Variants in IPO9 observed in about 807,000 individuals in gnomAD.
IPO9 encodes the protein importin 9.
IPO9 carries 28 observed loss-of-function variants against 128.6 expected under a neutral mutation model. The observed-to-expected ratio is 0.22, with a 90% confidence interval of 0.16 to 0.30. IPO9 has a LOEUF of 0.30. Among genes scored for constraint, IPO9 ranks in the 10% least tolerant of loss-of-function variants. IPO9 has a pLI of 1.00. For synonymous variants in IPO9, 455 were observed against 475.8 expected, an observed-to-expected ratio of 0.96 and a Z score of 0.57; for missense variants, 935 against 1,293.9, an observed-to-expected ratio of 0.72 and a Z score of 4.26.
chr1:201,869,522 G>A, intron 16 of IPO9, 68 bp from the exon 17 acceptor site: 1 of 1,585,332 alleles, frequency 6.3e-7, no homozygotes, highest in Non-Finnish European at 8.6e-7. Context: ...ATCCAGTAAG[G>A]ATCTTGGTTG....
chr1:201,837,829 G>A (rs1679966080), intron 1 of IPO9, among the ~76,000 whole-genome samples: 1 of 152,204 alleles, frequency 6.6e-6, no homozygotes, highest in South Asian at 2.1e-4. Flanking sequence ...CCAGCACTTT[G>A]GGAGGCTGAG....
At chr1:201,837,634 C>T (rs770265539) in intron 1 of IPO9, among the ~76,000 whole-genome samples, 1 of 152,196 alleles carries the variant, frequency 6.6e-6, no homozygotes, top group Non-Finnish European at 1.5e-5. Context: ...TATCTTTTCA[C>T]ACTGTATATT....
intron 3 of IPO9, among the ~76,000 whole-genome samples, chr1:201,847,938 A>T (rs1680150246): frequency 6.6e-6 from 1 of 152,214 alleles, no homozygotes; most frequent in South Asian, 2.1e-4. Flanking sequence ...AGGGTTTAAG[A>T]ATTAAATGAA....
chr1:201,848,134 G>A (rs1337608892), intron 3 of IPO9, among the ~76,000 whole-genome samples: 1 of 152,194 alleles, frequency 6.6e-6, no homozygotes, highest in African/African-American at 2.4e-5. Flanking sequence ...AATGGGGCTA[G>A]TGCAACTGAG....
chr1:201,865,627 A>G (rs1389651622), intron 14 of IPO9, among the ~76,000 whole-genome samples: 1 of 152,062 alleles, frequency 6.6e-6, no homozygotes, highest in African/African-American at 2.4e-5. Context: ...TTTATGTATC[A>G]TTGCAAACTC....
rs541416031 is a variant in IPO9 at position 201,880,139 on chromosome 1, A to C, written c.*4085A>C. ...GAGGAGGGCAGATCACTTAAGCCCA[A>C]GAGTTTGAGACCAGTCTGGGCAATG... On this transcript the variant is annotated 3_prime_UTR_variant, in exon 24 of 24. Coordinates refer to ENST00000361565, the MANE Select transcript of IPO9 (RefSeq NM_018085.5). 1.3e-5 allele frequency: 2 copies of C among 152,318 alleles called. No homozygotes were observed. The highest frequency in any genetic ancestry group is 4.1e-4 in the South Asian group (2 of 4,820). The allele number at this position is 152,318 out of a possible 1,614,324, so 9.4% of individuals were successfully genotyped here.
intron 1 of IPO9, among the ~76,000 whole-genome samples, chr1:201,835,596 C>A (rs1679907136): frequency 6.6e-6 from 1 of 152,200 alleles, no homozygotes; most frequent in South Asian, 2.1e-4. Context: ...AATTTCCTAA[C>A]AAAAATAGCT....
At position 201,882,417 on chromosome 1, in the gene IPO9, G is replaced by A. The variant is rs1453654752; in HGVS notation, c.*6363G>A. On this transcript the variant is annotated 3_prime_UTR_variant, in exon 24 of 24. Coordinates refer to ENST00000361565, the MANE Select transcript of IPO9 (RefSeq NM_018085.5). ...ACTACACTCCAGCCTGGGCGACAGA[G>A]CGACACTCTGCCTCAAAAAAAAAAA... 5.4e-5 allele frequency: 7 copies of A among 128,748 alleles called. No individual in the cohort carries two copies. In the Admixed American group the frequency reaches 6.6e-4, roughly 12 times the overall value. The allele number at this position is 128,748 out of a possible 1,614,324, so 8.0% of individuals were successfully genotyped here. A position where few individuals can be genotyped will look rare whatever the true frequency, so the allele number is the denominator to read the frequency against.
rs142911128 is a variant in IPO9 at position 201,843,817 on chromosome 1, G to T, written c.164-3462G>T. On this transcript the variant is annotated intron_variant, in intron 1 of 23. Coordinates refer to ENST00000361565, the MANE Select transcript of IPO9 (RefSeq NM_018085.5). ...CACTCTAGTCTGGGTGACAGAGTGC[G>T]ATTCTGTCTCAAAAAAAAAAAAAAA... Among the ~76,000 whole-genome samples, 5 of 138,164 alleles carry T rather than the reference G, an allele frequency of 3.6e-5. No individual in the cohort carries two copies. In the South Asian group the frequency reaches 1.2e-3, roughly 32 times the overall value. The allele number at this position is 138,164 out of a possible 152,430, so 90.6% of individuals were successfully genotyped here. A position where few individuals can be genotyped will look rare whatever the true frequency, so the allele number is the denominator to read the frequency against.
At chr1:201,873,538 G>A (rs967372051) in intron 20 of IPO9, among the ~76,000 whole-genome samples, 3 of 149,920 alleles carry the variant, frequency 2.0e-5, no homozygotes, top group Non-Finnish European at 3.0e-5. Flanking sequence ...GCCTGAGGCC[G>A]GGAGTTCGAG....
chr1:201,838,874 C>CA (rs1168426954), intron 1 of IPO9, among the ~76,000 whole-genome samples: 1 of 148,346 alleles, frequency 6.7e-6, no homozygotes, highest in African/African-American at 2.5e-5. Context: ...ACAGTATCAA[C>CA]AAAAAAGTAA....
In IPO9 at chr1:201,868,672, A is replaced by G. The variant is rs1032887038; in HGVS notation, c.1880A>G (p.Gln627Arg). 1 of 1,613,914 alleles carries G rather than the reference A, an allele frequency of 6.2e-7. No individual in the cohort carries two copies. The highest frequency in any genetic ancestry group is 8.5e-7 in the Non-Finnish European group (1 of 1,179,926). ...GATCCCGTCGTCGCCTCACTGGCTC[A>G]GGACATCTTCAAGGAGCTGTCCCAG... ...SNDPVVASLA[Q>R]DIFKELSQIE... The change falls in exon 16 of 24, where the codon CAG becomes CGG. Residue 627 changes from glutamine (Q) to arginine (R), a missense_variant. By Grantham distance (43) the Gln-to-Arg change is conservative (BLOSUM62 1). Around this residue, in one of 3 missense-constraint regions of IPO9, gnomAD observed 741 missense variants for 1,019.1 expected, o/e 0.73. Transcript: ENST00000361565.
intron 10 of IPO9, 57 bp downstream of exon 10, chr1:201,855,991 A>C: frequency 3.0e-6 from 4 of 1,332,650 alleles, no homozygotes; most frequent in Non-Finnish European, 4.1e-6. Context: ...CAACTTGAAG[A>C]ATATGAGGTC....
chr1:201,851,493 A>G (rs114212835), intron 4 of IPO9, among the ~76,000 whole-genome samples: 130 of 151,450 alleles, frequency 8.6e-4, no homozygotes, highest in African/African-American at 2.9e-3. Flanking sequence ...GAAGGGAAAG[A>G]TACGACCCAT....
In IPO9 at chr1:201,829,311, C is replaced by G. The variant is rs1354690356; in HGVS notation, c.102C>G (p.Ser34=). Residue 34 remains serine (S), a synonymous_variant, in exon 1 of 24, where the codon TCC becomes TCG. Transcript: ENST00000361565. ...TGGATACGCTCACCGGGATCCTATCCCCAGTACAGGAGGTGCGGGCGGCTG... is the reference window on the plus strand; with the variant it reads ...TGGATACGCTCACCGGGATCCTATCGCCAGTACAGGAGGTGCGGGCGGCTG... The part of the protein sequence containing the change: ...ALVDTLTGIL[S]PVQEVRAAAE... 6 of 1,596,460 alleles carry G rather than the reference C, an allele frequency of 3.8e-6. No individual in the cohort carries two copies. In the African/African-American group the frequency reaches 6.7e-5, roughly 18 times the overall value.
In IPO9 at chr1:201,847,764, G is replaced by A. The variant is rs997589306; in HGVS notation, c.312+126G>A. 12 of 687,316 alleles carry A rather than the reference G, an allele frequency of 1.7e-5. No homozygotes were observed. The African/African-American group carries it at 2.2e-4, about 12-fold the overall frequency. The allele number at this position is 687,316 out of a possible 1,614,324, so 42.6% of individuals were successfully genotyped here. On this transcript the variant is annotated intron_variant, in intron 3 of 23. Transcript: ENST00000361565. ...TAGGCAGAAAAGGAGATTGGTGGCTGGCATTGCGGGCATAGGGCTATACAT... is the reference window on the plus strand; with the variant it reads ...TAGGCAGAAAAGGAGATTGGTGGCTAGCATTGCGGGCATAGGGCTATACAT...
At chr1:201,861,581 A>G (rs1232767128) in intron 13 of IPO9, among the ~76,000 whole-genome samples, 1 of 152,212 alleles carries the variant, frequency 6.6e-6, no homozygotes, top group Non-Finnish European at 1.5e-5. Context: ...CAGTATTTTC[A>G]ACTTACGATG....
Position 201,868,629 on chromosome 1 carries a change from G to C in IPO9, c.1856-19G>C, listed in dbSNP as rs1263681593. ...AGACCATCAGGCAGGGGGATTCCGT[G>C]TTGCCTTATCCACTTCAGATCCCGT... On this transcript the variant is annotated intron_variant, in intron 15 of 23. Coordinates refer to ENST00000361565, the MANE Select transcript of IPO9 (RefSeq NM_018085.5). The C allele has an allele frequency of 6.2e-7, 1 of 1,605,918 alleles. No homozygotes were observed. Among genetic ancestry groups the C allele is most frequent in the South Asian group, 1.1e-5 (1 of 90,236 alleles).
At chr1:201,845,028 G>A (rs559115225) in intron 1 of IPO9, among the ~76,000 whole-genome samples, 1 of 151,414 alleles carries the variant, frequency 6.6e-6, no homozygotes, top group African/African-American at 2.4e-5. Context: ...TTTTGGGAGG[G>A]GGGGGCGTAC....
Sources: allele counts gnomAD v4.1 joint callset (sites outside exome capture counted in the v4.1 genomes callset), GRCh38; gene constraint gnomAD v4.1.1; regional missense constraint gnomAD v4.1.1; transcripts MANE v1.5; gene names NCBI Gene and HGNC (gene_info 2026-07-23, HGNC 2026-07-21).